Variants in LRP8 observed in about 807,000 individuals in gnomAD.
LRP8 encodes low-density lipoprotein receptor-related protein 8.
LRP8 carries 46 observed loss-of-function variants against 111.6 expected under a neutral mutation model. The ratio of observed to expected loss-of-function variants is 0.41; its 90% confidence interval spans 0.33 to 0.53. The LOEUF (loss-of-function observed/expected upper bound fraction) is 0.53, where lower values mean the gene tolerates loss of function less well. Ranked by LOEUF, LRP8 falls within the 20% of genes least tolerant of loss-of-function variation. The probability of loss-of-function intolerance (pLI) is 0.20; values close to 1 mark genes in which losing one functional copy is unlikely to be tolerated. For missense variants in LRP8, 959 were observed against 1,297.4 expected, an observed-to-expected ratio of 0.74 and a Z score of 4.01; for synonymous variants, 464 against 511.2, an observed-to-expected ratio of 0.91 and a Z score of 1.24.
intron 2 of LRP8, among the ~76,000 whole-genome samples, chr1:53,301,031 T>G (rs1271271052): frequency 6.7e-6 from 1 of 148,172 alleles, no homozygotes; most frequent in Non-Finnish European, 1.5e-5. Flanking sequence ...GTGTGGGGGG[T>G]GGGGTGGAGT....
At chr1:53,297,726 A>C (rs374871702) in intron 2 of LRP8, among the ~76,000 whole-genome samples, 3 of 152,288 alleles carry the variant, frequency 2.0e-5, no homozygotes, top group African/African-American at 7.2e-5. Context: ...GTTTCCCTCA[A>C]AATTTTCTGG....
chr1:53,249,424 G>C lies in LRP8; in HGVS notation c.2809C>G (p.Leu937Val), dbSNP rs1426859224. ...AGCTCGGAAAGAGGGTTCTTCGGGAGTTGGTGCAGCTGTGACCTTGGTTCC... is the reference window on the plus strand; with the variant it reads ...AGCTCGGAAAGAGGGTTCTTCGGGACTTGGTGCAGCTGTGACCTTGGTTCC... ...PGEPRSQLHQ[L>V]PKNPLSELPV... The change falls in exon 18 of 19, where the codon CTC (leucine) becomes GTC (valine). Residue 937 changes from leucine (L) to valine (V), a missense_variant. Leu to Val is a conservative substitution (Grantham distance 32). Around this residue, in one of 3 missense-constraint regions of LRP8, gnomAD observed 819 missense variants for 1,097.6 expected, o/e 0.75. Coordinates refer to ENST00000306052, the MANE Select transcript of LRP8 (RefSeq NM_004631.5). The surrounding 1 kb of genome is among the most constrained non-coding windows in gnomAD (Gnocchi z 4.1). 2 of 1,614,126 alleles carry C rather than the reference G, an allele frequency of 1.2e-6. No individual in the cohort carries two copies. Among genetic ancestry groups the C allele is most frequent in the Non-Finnish European group, 1.7e-6 (2 of 1,180,052 alleles).
intron 2 of LRP8, among the ~76,000 whole-genome samples, chr1:53,302,639 T>A (rs1651148633): frequency 6.6e-6 from 1 of 151,976 alleles, no homozygotes; most frequent in African/African-American, 2.4e-5. Context: ...GCATTAGGAA[T>A]GAGATGACCT....
At chr1:53,267,581 T>C (rs895373953) in intron 8 of LRP8, 3 of 152,226 alleles carry the variant, frequency 2.0e-5, no homozygotes, top group Non-Finnish European at 2.9e-5. Context: ...CTGGGTGAGT[T>C]TGTTCTCTAT....
Position 53,326,853 on chromosome 1 carries a change from C to T in LRP8, c.244+20G>A. On this transcript the variant is annotated intron_variant, in intron 2 of 18. Coordinates refer to ENST00000306052, the MANE Select transcript of LRP8 (RefSeq NM_004631.5). ...TTCCTTTTCTCTCCCCGGGTCTGAG[C>T]TCCCTGGCCCGCCACTCACGGCAGT... is the stretch of plus-strand genomic sequence containing the variant. 2 of 1,609,886 alleles carry T rather than the reference C, an allele frequency of 1.2e-6. No homozygotes were observed. The highest frequency in any genetic ancestry group is 1.7e-6 in the Non-Finnish European group (2 of 1,178,542).
chr1:53,275,746 G>T lies in LRP8; in HGVS notation c.891C>A (p.Gly297=). ...DKSDEADCPL[G]TCRGDEFQCG... ...ACTGGAACTCGTCCCCACGGCAGGTGCCCAGTGCTGCCAGGAGAGGGCAAG... is the reference window on the plus strand; with the variant it reads ...ACTGGAACTCGTCCCCACGGCAGGTTCCCAGTGCTGCCAGGAGAGGGCAAG... Residue 297 remains glycine, a synonymous_variant, in exon 6 of 19, where the codon GGC becomes GGA. Coordinates refer to ENST00000306052, the MANE Select transcript of LRP8 (RefSeq NM_004631.5). This position sits in a 1 kb window ranked among gnomAD's most constrained non-coding sequence, Gnocchi z 4.4. The T allele has an allele frequency of 6.2e-7, 1 of 1,613,900 alleles. No homozygotes were observed. The highest frequency in any genetic ancestry group is 8.5e-7 in the Non-Finnish European group (1 of 1,179,940).
intron 2 of LRP8, among the ~76,000 whole-genome samples, chr1:53,296,779 C>T (rs1415313107): frequency 2.6e-5 from 4 of 152,218 alleles, no homozygotes; most frequent in South Asian, 2.1e-4. Flanking sequence ...GCACCCCACC[C>T]GGGGGCCCTG....
chr1:53,266,677 A>G lies in LRP8; in HGVS notation c.1253-30T>C, dbSNP rs746052429. 7 of 1,608,196 alleles carry G rather than the reference A, an allele frequency of 4.4e-6. No individual in the cohort carries two copies. Among genetic ancestry groups the G allele is most frequent in the Non-Finnish European group, 6.0e-6 (7 of 1,175,542 alleles). Reference sequence around the variant, plus strand: ...CATGCAGGGAGGTTGAAAGAGAAAGAGTCAGTGCAAGAGGCAGGGAGCCTG... The same window carrying G: ...CATGCAGGGAGGTTGAAAGAGAAAGGGTCAGTGCAAGAGGCAGGGAGCCTG... On this transcript the variant is annotated intron_variant, in intron 8 of 18. Coordinates refer to ENST00000306052, the MANE Select transcript of LRP8 (RefSeq NM_004631.5). The surrounding 1 kb of genome is among the most constrained non-coding windows in gnomAD (Gnocchi z 5.0).
rs1416791102 is a variant in LRP8, at chr1:53,303,385, G to GC, written c.245-13697dup. Among the ~76,000 whole-genome samples, 1 of 152,220 alleles carries GC rather than the reference G, an allele frequency of 6.6e-6. No homozygotes were observed. The highest frequency in any genetic ancestry group is 1.5e-5 in the Non-Finnish European group (1 of 68,040). ...CACACCTGGGCCCCAGGGCCATGTG[G>GC]CCCAGCCCTTGGATTTCATACATGA... On this transcript the variant is annotated intron_variant, in intron 2 of 18. Coordinates refer to ENST00000306052, the MANE Select transcript of LRP8 (RefSeq NM_004631.5). The surrounding 1 kb of genome is among the most constrained non-coding windows in gnomAD (Gnocchi z 4.3).
chr1:53,272,606 C>G, intron 6 of LRP8: 1 of 1,289,948 alleles, frequency 7.8e-7, no homozygotes, highest in Non-Finnish European at 1.0e-6. Flanking sequence ...CCCTTTACCC[C>G]TGGGCCTCCT....
chr1:53,308,476 G>A (rs1374845054), intron 2 of LRP8, among the ~76,000 whole-genome samples: 1 of 149,790 alleles, frequency 6.7e-6, no homozygotes, highest in African/African-American at 2.5e-5. Context: ...CACCGTCTTT[G>A]CTGCTAAATG....
rs372424775 is a variant in LRP8 at position 53,264,344 on chromosome 1, C to T, written c.1480G>A (p.Glu494Lys). The T allele has an allele frequency of 2.6e-5, 42 of 1,613,968 alleles. No homozygotes were observed. The highest frequency in any genetic ancestry group is 1.3e-4 in the African/African-American group (10 of 74,920). ...AGGCCCTCTGGAGAGTGCAACTGCT[C>T]GTCAATGAGGACCTCCTGCTCTTTC... ...DPKEQEVLID[E>K]QLHSPEGLAV... Residue 494 changes from glutamate (E) to lysine (K), a missense_variant, in exon 10 of 19, where the codon GAG becomes AAG. Transcript: ENST00000306052.
chr1:53,315,740 C>CCCAAGTG (rs1275706848), intron 2 of LRP8, among the ~76,000 whole-genome samples: 5 of 152,186 alleles, frequency 3.3e-5, no homozygotes, highest in African/African-American at 4.8e-5. Flanking sequence ...TGACACAAAC[C>CCCAAGTG]ACTGATCTAA....
rs1276725181 is a variant in LRP8 at position 53,249,328 on chromosome 1, G to C, written c.2853+52C>G. On this transcript the variant is annotated intron_variant, in intron 18 of 18. Coordinates refer to ENST00000306052, the MANE Select transcript of LRP8 (RefSeq NM_004631.5). The surrounding 1 kb of genome is among the most constrained non-coding windows in gnomAD (Gnocchi z 4.1). ...TTCTAGGATTGGCTGCGCCTGCCTT[G>C]GTTCATGCCCTCACTCACCAGCCCC... The C allele has an allele frequency of 2.0e-5, 32 of 1,576,518 alleles. No individual in the cohort carries two copies. Among genetic ancestry groups the C allele is most frequent in the Non-Finnish European group, 2.8e-5 (32 of 1,158,644 alleles).
intron 2 of LRP8, among the ~76,000 whole-genome samples, chr1:53,312,628 G>A (rs72673189): frequency 0.017 from 2,623 of 152,092 alleles, 30 homozygotes; most frequent in Non-Finnish European, 0.026. Flanking sequence ...GAAAATTCTG[G>A]GATTATAGGT....
At position 53,326,909 on chromosome 1, in the gene LRP8, C is replaced by T. The variant is rs768118431; in HGVS notation, c.208G>A (p.Asp70Asn). The change falls in exon 2 of 19, where the codon GAT (aspartate) becomes AAT (asparagine). Residue 70 changes from aspartate (D) to asparagine (N), a missense_variant. By Grantham distance (23) the Asp-to-Asn change is conservative. Transcript: ENST00000306052. ...TCGTCGCTGTGGTCTAAGCAGTCAT[C>T]GTCCTCGTCGCATCTCCACACAGAG... ...IPSVWRCDEDDDCLDHSDEDD... is the reference protein window; with the variant it reads ...IPSVWRCDEDNDCLDHSDEDD... 1 of 1,613,952 alleles carries T rather than the reference C, an allele frequency of 6.2e-7. No individual in the cohort carries two copies. The highest frequency in any genetic ancestry group is 8.5e-7 in the Non-Finnish European group (1 of 1,180,000).
intron 2 of LRP8, among the ~76,000 whole-genome samples, chr1:53,311,628 C>G (rs1467096549): frequency 6.6e-6 from 1 of 152,110 alleles, no homozygotes; most frequent in Non-Finnish European, 1.5e-5. Flanking sequence ...CCAGCCCACC[C>G]CATCTCTCTC....
intron 3 of LRP8, among the ~76,000 whole-genome samples, chr1:53,284,559 C>A (rs1178916472): frequency 6.6e-6 from 1 of 152,198 alleles, no homozygotes; most frequent in Non-Finnish European, 1.5e-5. Context: ...GTACGCTCCA[C>A]CTCCAGGGTG....
At position 53,275,212 on chromosome 1, in the gene LRP8, G is replaced by A. The variant is rs2100417499; in HGVS notation, c.1006+419C>T. Among the ~76,000 whole-genome samples, 1 of 152,354 alleles carries A rather than the reference G, an allele frequency of 6.6e-6. No homozygotes were observed. On this transcript the variant is annotated intron_variant, in intron 6 of 18. Coordinates refer to ENST00000306052, the MANE Select transcript of LRP8 (RefSeq NM_004631.5). This position sits in a 1 kb window ranked among gnomAD's most constrained non-coding sequence, Gnocchi z 4.4. ...GCCCAGCCTGTTATCCATTCCCCAA[G>A]ATGACTAGTGAATGAGGGTCCCTGC...
Sources: gnomAD v4.1 joint callset for allele counts (sites outside exome capture counted in the v4.1 genomes callset) on GRCh38, gnomAD v4.1.1 for gene constraint, gnomAD v4.1.1 regional missense constraint, Gnocchi (gnomAD v3.1) non-coding constraint, MANE v1.5 for transcripts, NCBI Gene and HGNC (gene_info 2026-07-23, HGNC 2026-07-21) for gene names.